Variants in SLC14A2 observed in about 807,000 individuals in gnomAD.
The protein encoded by SLC14A2 is solute carrier family 14 member 2, also known as urea transporter 2.
Under a neutral mutation model 104.6 loss-of-function variants are expected in SLC14A2, and 91 were observed. The ratio of observed to expected loss-of-function variants is 0.87; its 90% CI spans 0.73 to 1.04. The LOEUF (loss-of-function observed/expected upper bound fraction) is 1.04, where lower values mean the gene tolerates loss of function less well. Among genes scored for constraint, SLC14A2 ranks in the 50% least tolerant of loss-of-function variants. The pLI is 0.00. For synonymous variants in SLC14A2, 476 were observed against 466.4 expected (o/e 1.02, Z -0.27); for missense variants, 1,189 against 1,156.0 (o/e 1.03, Z -0.41).
intron 1 of SLC14A2, among the ~76,000 whole-genome samples, chr18:45,422,637 C>A (rs1252249776): frequency 6.6e-6 from 1 of 152,130 alleles, no homozygotes; most frequent in Non-Finnish European, 1.5e-5. Flanking sequence ...ACAGGTGAGG[C>A]CTCTGGGGAG....
intron 15 of SLC14A2, among the ~76,000 whole-genome samples, 180 bp from the exon 16 acceptor site, chr18:45,669,126 C>T (rs2046083115): frequency 6.6e-6 from 1 of 152,258 alleles, no homozygotes; most frequent in South Asian, 2.1e-4. Context: ...GTGCCCCACC[C>T]TGTCACTGTG....
the SLC14A2 span, among the ~76,000 whole-genome samples, chr18:45,185,760 G>C: frequency 6.6e-6 from 1 of 151,876 alleles, no homozygotes; most frequent in African/African-American, 2.4e-5. Context: ...ATATGAAAAA[G>C]TTATGAGAAC....
intron 1 of SLC14A2, among the ~76,000 whole-genome samples, chr18:45,308,988 C>T (rs556210503): frequency 7.2e-5 from 11 of 152,098 alleles, no homozygotes; most frequent in African/African-American, 1.4e-4. Flanking sequence ...CCCAGGCGTC[C>T]GTACTTCTCC....
chr18:45,586,242 A>C (rs1438947820), intron 2 of SLC14A2, among the ~76,000 whole-genome samples: 1 of 152,172 alleles, frequency 6.6e-6, no homozygotes, highest in Admixed American at 6.5e-5. Context: ...AGGAGACCTC[A>C]GTGAAGTGAG....
At chr18:45,189,451 C>T in the SLC14A2 span, among the ~76,000 whole-genome samples, 1 of 152,140 alleles carries the variant, frequency 6.6e-6, no homozygotes, top group Non-Finnish European at 1.5e-5. Context: ...GAAAATAAAT[C>T]TGGCAGCCAA....
chr18:45,653,622 C>T (rs987603065), intron 10 of SLC14A2, among the ~76,000 whole-genome samples: 1 of 152,156 alleles, frequency 6.6e-6, no homozygotes, highest in African/African-American at 2.4e-5. Context: ...GGCCAGCTCC[C>T]TAATATATAG....
chr18:45,459,387 C>G (rs1299975541), intron 1 of SLC14A2, among the ~76,000 whole-genome samples: 1 of 152,188 alleles, frequency 6.6e-6, no homozygotes, highest in African/African-American at 2.4e-5. Flanking sequence ...CTGTTGTGCC[C>G]TCACCTCCCT....
chr18:45,558,593 G>T (rs1349731656), intron 2 of SLC14A2, among the ~76,000 whole-genome samples: 2 of 152,198 alleles, frequency 1.3e-5, no homozygotes, highest in Admixed American at 6.5e-5. Context: ...AAATAATCAT[G>T]AGTTTTAGTC....
chr18:45,327,965 A>G (rs2085252449), intron 1 of SLC14A2, among the ~76,000 whole-genome samples: 1 of 152,210 alleles, frequency 6.6e-6, no homozygotes. Flanking sequence ...ATGACTTGAC[A>G]GATATCATGT....
intron 2 of SLC14A2, among the ~76,000 whole-genome samples, chr18:45,521,501 AT>A (rs1439097618): frequency 6.6e-6 from 1 of 152,204 alleles, no homozygotes; most frequent in Non-Finnish European, 1.5e-5. Context: ...GACTTGGAAA[AT>A]TGAGAGAAGC....
rs114047088 is a variant in SLC14A2 at position 45,509,300 on chromosome 18, C to A, written c.-35+25978C>A. Among the ~76,000 whole-genome samples, 733 of 151,952 alleles carry A rather than the reference C, an allele frequency of 4.8e-3. 5 individuals carry two copies. Among genetic ancestry groups the A allele is most frequent in the African/African-American group, 0.014 (570 of 41,490 alleles). The stretch of plus-strand genomic sequence containing the variant: ...TCATCTCCTCCCTATATATATATAT[C>A]TCTCTCTCTGTCTTTCTGGCCATCA... On this transcript the variant is annotated intron_variant, in intron 2 of 20. Coordinates refer to the SLC14A2 transcript ENST00000586448.
At chr18:45,598,756 G>A (rs11659428) in intron 2 of SLC14A2, among the ~76,000 whole-genome samples, 9 of 152,230 alleles carry the variant, frequency 5.9e-5, no homozygotes, top group African/African-American at 1.4e-4. Flanking sequence ...CTAACAATTC[G>A]CTCTGAGACC....
intron 2 of SLC14A2, among the ~76,000 whole-genome samples, chr18:45,599,465 A>G (rs2044758444): frequency 6.6e-6 from 1 of 152,202 alleles, no homozygotes; most frequent in Non-Finnish European, 1.5e-5. Flanking sequence ...CCTTTCTGTT[A>G]CCTGGCCCAA....
At chr18:45,629,374 G>A (rs2045310355) in intron 4 of SLC14A2, among the ~76,000 whole-genome samples, 1 of 152,178 alleles carries the variant, frequency 6.6e-6, no homozygotes, top group Non-Finnish European at 1.5e-5. Flanking sequence ...CTCCAGCCAG[G>A]TTCCTGTGTC....
intron 2 of SLC14A2, among the ~76,000 whole-genome samples, chr18:45,494,290 C>T (rs955027457): frequency 2.4e-4 from 36 of 152,240 alleles, no homozygotes; most frequent in African/African-American, 8.0e-4. Context: ...TCAACTCAGG[C>T]TATCCTTCAT....
At chr18:45,184,921 G>T in the SLC14A2 span, among the ~76,000 whole-genome samples, 1 of 152,306 alleles carries the variant, frequency 6.6e-6, no homozygotes, top group East Asian at 1.9e-4. Context: ...CTCATGTTGG[G>T]AAAATAAATA....
intron 1 of SLC14A2, among the ~76,000 whole-genome samples, chr18:45,229,678 ATCTT>A (rs1175517898): frequency 6.6e-6 from 1 of 152,094 alleles, no homozygotes; most frequent in Non-Finnish European, 1.5e-5. Context: ...CAAACTCTTC[ATCTT>A]TCCCCAAGCA....
At chr18:45,670,094 C>T (rs2046103963) in intron 16 of SLC14A2, among the ~76,000 whole-genome samples, 1 of 152,166 alleles carries the variant, frequency 6.6e-6, no homozygotes, top group African/African-American at 2.4e-5. Context: ...TGTCACTGCA[C>T]TCCATGAGAC....
At chr18:45,542,848 C>G (rs1340874604) in intron 2 of SLC14A2, among the ~76,000 whole-genome samples, 2 of 152,030 alleles carry the variant, frequency 1.3e-5, no homozygotes, top group East Asian at 1.9e-4. Context: ...GATGTGGCCT[C>G]TTATCCCTGG....
Sources: allele counts gnomAD v4.1 joint callset (sites outside exome capture counted in the v4.1 genomes callset), GRCh38; gene constraint gnomAD v4.1.1; transcripts MANE v1.5; gene names NCBI Gene and HGNC (gene_info 2026-07-23, HGNC 2026-07-21).